APBB1IP: variants seen among roughly 807,000 people sequenced by gnomAD.
The protein encoded by APBB1IP is amyloid beta A4 precursor protein-binding family B member 1-interacting protein.
APBB1IP carries 27 observed loss-of-function variants against 64.9 expected under a neutral mutation model. The ratio of observed to expected loss-of-function variants is 0.42; its 90% CI spans 0.31 to 0.57. The LOEUF (loss-of-function observed/expected upper bound fraction) is 0.57. APBB1IP is among the 20% of genes least tolerant of loss of function. The probability of loss-of-function intolerance (pLI) is 0.20; values close to 1 mark genes in which losing one functional copy is unlikely to be tolerated. For synonymous variants in APBB1IP, 392 were observed against 331.0 expected (o/e 1.18, Z -2.00); for missense variants, 812 against 845.5 (o/e 0.96, Z 0.49).
rs79969135 is a variant in APBB1IP, at chr10:26,504,460, A to G, written c.531+1186A>G. Among the ~76,000 whole-genome samples, 28 of 152,308 alleles carry G rather than the reference A, an allele frequency of 1.8e-4. No individual in the cohort carries two copies. The East Asian group carries it at 5.4e-3, about 29-fold the overall frequency. On this transcript the variant is annotated intron_variant, in intron 6 of 14. Transcript: ENST00000376236. ...CGCGGTGGCTCATGCCTGTAATCCC[A>G]ACACTTTGGGAGGCTGAGGCGGGCG...
intron 8 of APBB1IP, among the ~76,000 whole-genome samples, chr10:26,513,970 G>A (rs1052077264): frequency 5.3e-5 from 8 of 152,104 alleles, no homozygotes; most frequent in Non-Finnish European, 7.4e-5. Flanking sequence ...TCCTGACCTC[G>A]TGATCTGCCC....
At chr10:26,564,736 G>A (rs989944140) in intron 14 of APBB1IP, among the ~76,000 whole-genome samples, 1 of 152,102 alleles carries the variant, frequency 6.6e-6, no homozygotes, top group African/African-American at 2.4e-5. Context: ...TCGGGAGGTG[G>A]AGTTTGCAGT....
intron 4 of APBB1IP, 52 bp from the exon 5 acceptor site, chr10:26,500,767 T>A: frequency 6.6e-7 from 1 of 1,519,634 alleles, no homozygotes; most frequent in Non-Finnish European, 8.9e-7. Context: ...TTCTTTCAGT[T>A]TTTCCAGATG....
At position 26,501,248 on chromosome 10, in the gene APBB1IP, G is replaced by A. The variant is rs907304338; in HGVS notation, c.453+137G>A. 1.1e-4 allele frequency: 138 copies of A among 1,296,914 alleles called. 1 individual carries two copies. The highest frequency in any genetic ancestry group is 2.0e-4 in the Middle Eastern group (1 of 4,908). The allele number at this position is 1,296,914 out of a possible 1,614,324, so 80.3% of individuals were successfully genotyped here. A position where few individuals can be genotyped will look rare whatever the true frequency, so the allele number is the denominator to read the frequency against. On this transcript the variant is annotated intron_variant, in intron 5 of 14. Coordinates refer to ENST00000376236, the MANE Select transcript of APBB1IP (RefSeq NM_019043.4). ...ACTAAAAAACAAAGATACAGAGCAC[G>A]CTCATTGCAAAGCTAGAACCCTCCG...
intron 10 of APBB1IP, among the ~76,000 whole-genome samples, chr10:26,537,164 C>T (rs1334395388): frequency 1.4e-5 from 2 of 141,178 alleles, no homozygotes; most frequent in East Asian, 1.9e-4. Flanking sequence ...AGGACCTTTC[C>T]GTCTTTTGTT....
intron 2 of APBB1IP, among the ~76,000 whole-genome samples, chr10:26,463,555 A>G (rs933047447): frequency 6.6e-6 from 1 of 152,052 alleles, no homozygotes; most frequent in Admixed American, 6.6e-5. Context: ...CCTGACTGTT[A>G]TGGTGTCCCA....
chr10:26,444,566 T>C (rs1464131635), intron 2 of APBB1IP, among the ~76,000 whole-genome samples: 2 of 152,164 alleles, frequency 1.3e-5, no homozygotes, highest in African/African-American at 4.8e-5. Flanking sequence ...GTCTGTGGCC[T>C]AAACAACTGG....
chr10:26,567,711 T>G lies in APBB1IP; in HGVS notation c.*223T>G. On this transcript the variant is annotated 3_prime_UTR_variant, in exon 15 of 15. Coordinates refer to ENST00000376236, the MANE Select transcript of APBB1IP (RefSeq NM_019043.4). ...TGTATTTTAACCTAAATGGAATGTA[T>G]CTTCCCTTCCAAGCTGCCTAAAGCG... 8.9e-7 allele frequency: 1 copy of G among 1,123,854 alleles called. No individual in the cohort carries two copies. Among genetic ancestry groups the G allele is most frequent in the South Asian group, 1.6e-5 (1 of 63,944 alleles). The allele number at this position is 1,123,854 out of a possible 1,614,324, so 69.6% of individuals were successfully genotyped here.
At chr10:26,494,756 C>A (rs1835998943) in intron 3 of APBB1IP, among the ~76,000 whole-genome samples, 1 of 152,006 alleles carries the variant, frequency 6.6e-6, no homozygotes, top group South Asian at 2.1e-4. Flanking sequence ...ACCCAGGAGG[C>A]AGAGATTATG....
chr10:26,511,642 A>T, intron 6 of APBB1IP, 105 bp from the exon 7 acceptor site: 1 of 1,371,330 alleles, frequency 7.3e-7, no homozygotes. Flanking sequence ...CACCAAACAC[A>T]TTCTTACAGA....
At chr10:26,562,757 A>G (rs1836990232) in intron 14 of APBB1IP, among the ~76,000 whole-genome samples, 1 of 152,150 alleles carries the variant, frequency 6.6e-6, no homozygotes, top group African/African-American at 2.4e-5. Context: ...TGATTGCGCC[A>G]CTGCATTCCA....
At chr10:26,487,665 T>G (rs1037097810) in intron 2 of APBB1IP, among the ~76,000 whole-genome samples, 10 of 152,146 alleles carry the variant, frequency 6.6e-5, no homozygotes, top group African/African-American at 2.4e-4. Context: ...TTTGAGTTAT[T>G]TCCATCTTAG....
chr10:26,542,183 G>A (rs892180804), intron 11 of APBB1IP, among the ~76,000 whole-genome samples: 4 of 152,066 alleles, frequency 2.6e-5, no homozygotes, highest in African/African-American at 7.2e-5. Flanking sequence ...TTGAGACCGA[G>A]TCTCACTCTG....
Position 26,452,952 on chromosome 10 carries a change from T to C in APBB1IP, c.-1+14099T>C, listed in dbSNP as rs150100534. The stretch of plus-strand genomic sequence containing the variant: ...GTATAACTCCTACTATTCTTTTTAA[T>C]TAAGATATACTATCTTCATTTAAAT... On this transcript the variant is annotated intron_variant, in intron 2 of 14. Coordinates refer to ENST00000376236, the MANE Select transcript of APBB1IP (RefSeq NM_019043.4). Among the ~76,000 whole-genome samples, 507 of 152,352 alleles carry C rather than the reference T, an allele frequency of 3.3e-3. 2 individuals are homozygous for C. Among genetic ancestry groups the C allele is most frequent in the African/African-American group, 0.011 (468 of 41,582 alleles).
chr10:26,547,853 C>T (rs753651713), intron 11 of APBB1IP, among the ~76,000 whole-genome samples: 2 of 152,196 alleles, frequency 1.3e-5, no homozygotes, highest in Non-Finnish European at 2.9e-5. Context: ...TAACCCAACA[C>T]TGTTTATTGA....
At chr10:26,562,062 G>T in intron 13 of APBB1IP, 1 of 367,292 alleles carries the variant, frequency 2.7e-6, no homozygotes, top group East Asian at 6.0e-5. Context: ...ATCAAATACC[G>T]TACTCACCTT....
At chr10:26,444,354 G>A (rs550322970) in intron 2 of APBB1IP, among the ~76,000 whole-genome samples, 1 of 152,314 alleles carries the variant, frequency 6.6e-6, no homozygotes, top group Non-Finnish European at 1.5e-5. Flanking sequence ...AGGGGCCATT[G>A]CAGGATTCTG....
At chr10:26,536,615 A>C (rs997966003) in intron 10 of APBB1IP, among the ~76,000 whole-genome samples, 1 of 141,384 alleles carries the variant, frequency 7.1e-6, no homozygotes, top group African/African-American at 2.7e-5. Flanking sequence ...TTCTTTTGAG[A>C]TAGTCTCACT....
chr10:26,443,532 C>CTTTA (rs71401892), intron 2 of APBB1IP, among the ~76,000 whole-genome samples: 7 of 151,176 alleles, frequency 4.6e-5, no homozygotes, highest in African/African-American at 9.8e-5. Flanking sequence ...GTCATCTCCA[C>CTTTA]TTTATTTATT....
Sources: allele counts gnomAD v4.1 joint callset (sites outside exome capture counted in the v4.1 genomes callset), GRCh38; gene constraint gnomAD v4.1.1; transcripts MANE v1.5; gene names NCBI Gene and HGNC (gene_info 2026-07-23, HGNC 2026-07-21).